MGST1: variants seen among roughly 807,000 people sequenced by gnomAD.
MGST1 encodes the protein glutathione S-transferase 12.
A neutral mutation model predicts 8.9 loss-of-function variants in MGST1; 5 were observed. The ratio of observed to expected loss-of-function variants is 0.56; its 90% CI spans 0.29 to 1.19. MGST1 has a LOEUF of 1.19. Ranked by LOEUF, MGST1 falls within the 50% of genes most tolerant of loss-of-function variation. The pLI, the probability that MGST1 is intolerant of heterozygous loss-of-function variation, is 0.08. For missense variants in MGST1, 182 were observed against 187.4 expected, an observed-to-expected ratio of 0.97 and a Z score of 0.17; for synonymous variants, 54 against 67.8, an observed-to-expected ratio of 0.80 and a Z score of 1.00.
intron 4 of MGST1, among the ~76,000 whole-genome samples, chr12:16,528,675 G>T (rs2137197843): frequency 6.6e-6 from 1 of 152,124 alleles, no homozygotes; most frequent in South Asian, 2.1e-4. Flanking sequence ...ATACAGTTTA[G>T]TGCTAGCACT....
chr12:16,445,793 G>C (rs1456517490), intron 4 of MGST1, among the ~76,000 whole-genome samples: 1 of 151,834 alleles, frequency 6.6e-6, no homozygotes, highest in Non-Finnish European at 1.5e-5. Context: ...TCTAGTTTGG[G>C]CAAGGACTAC....
At position 16,513,853 on chromosome 12, in the gene MGST1, C is replaced by T; in HGVS notation, n.483-75675C>T. On this transcript the variant is annotated intron_variant and non_coding_transcript_variant, in intron 4 of 4. Transcript: ENST00000538857. This position sits in a 1 kb window ranked among gnomAD's most constrained non-coding sequence, Gnocchi z 4.2. ...TAAGTTCAGCCAAGATGTCTTTCTG[C>T]CCAAACCAACCTGGGGAAGTCGCAC... is the stretch of plus-strand genomic sequence containing the variant. 1 of 609,892 alleles carries T rather than the reference C, an allele frequency of 1.6e-6. No individual in the cohort carries two copies. The highest frequency in any genetic ancestry group is 3.2e-6 in the Non-Finnish European group (1 of 315,260). The allele number at this position is 609,892 out of a possible 1,614,324, so 37.8% of individuals were successfully genotyped here.
At chr12:16,405,747 G>A (rs550953481) in intron 1 of MGST1, among the ~76,000 whole-genome samples, 1 of 152,262 alleles carries the variant, frequency 6.6e-6, no homozygotes, top group African/African-American at 2.4e-5. Context: ...GAGATGCAAG[G>A]TTGGTCCAAC....
rs1943182607 is a variant in MGST1, at chr12:16,582,220, G to C, written n.483-7308G>C. Among the ~76,000 whole-genome samples, 2 of 152,032 alleles carry C rather than the reference G, an allele frequency of 1.3e-5. No individual in the cohort carries two copies. The highest frequency in any genetic ancestry group is 1.3e-4 in the Admixed American group (2 of 15,252). On this transcript the variant is annotated intron_variant and non_coding_transcript_variant, in intron 4 of 4. Transcript: ENST00000538857. This position sits in a 1 kb window ranked among gnomAD's most constrained non-coding sequence, Gnocchi z 4.1. The stretch of plus-strand genomic sequence containing the variant: ...GCTGAATTTTATCAATTGCCTTTTT[G>C]GTACAGACTGCCATAACTATGGTGT...
rs1941860020 is a variant in MGST1, at chr12:16,548,212, A to C, written n.483-41316A>C. 6.6e-6 allele frequency among the ~76,000 whole-genome samples: 1 copy of C among 152,180 alleles called. No individual in the cohort carries two copies. The highest frequency in any genetic ancestry group is 1.5e-5 in the Non-Finnish European group (1 of 68,026). On this transcript the variant is annotated intron_variant and non_coding_transcript_variant, in intron 4 of 4. Transcript: ENST00000538857. This position sits in a 1 kb window ranked among gnomAD's most constrained non-coding sequence, Gnocchi z 4.2. ...GTAAACGACCTAGCGCAGAGATCCT[A>C]AACATTACATTCAGAGAAACATTTG...
chr12:16,385,840 C>T lies in MGST1; in HGVS notation n.778+2236C>T, dbSNP rs148430133. ...TTTGGAGGGCTGCTTTTAATACATA[C>T]AGTTTCTTTTGGAGTTTTGCGTCTT... On this transcript the variant is annotated intron_variant and non_coding_transcript_variant, in intron 1 of 1. Coordinates refer to the MGST1 transcript ENST00000359720. 4.1e-4 allele frequency among the ~76,000 whole-genome samples: 63 copies of T among 152,182 alleles called. No individual in the cohort carries two copies. The East Asian group carries it at 0.012, about 28-fold the overall frequency.
chr12:16,522,837 G>T (rs1941656717), intron 4 of MGST1, among the ~76,000 whole-genome samples: 2 of 152,098 alleles, frequency 1.3e-5, no homozygotes, highest in African/African-American at 4.8e-5. Context: ...GAGAAACTTG[G>T]CCTTAGGTAA....
intron 1 of MGST1, among the ~76,000 whole-genome samples, chr12:16,427,531 G>C (rs1233137385): frequency 6.6e-6 from 1 of 152,036 alleles, no homozygotes; most frequent in African/African-American, 2.4e-5. Flanking sequence ...TACAGGGTGT[G>C]CTACCATGCC....
At chr12:16,583,141 G>A (rs1232296683) in intron 4 of MGST1, among the ~76,000 whole-genome samples, 6 of 151,560 alleles carry the variant, frequency 4.0e-5, no homozygotes, top group Non-Finnish European at 8.8e-5. Context: ...ACTATTAAAA[G>A]AGAAGAGAGA....
Position 16,456,356 on chromosome 12 carries a change from A to G in MGST1, n.482+72752A>G, listed in dbSNP as rs536401693. Among the ~76,000 whole-genome samples the G allele has an allele frequency of 4.3e-4, 65 of 152,030 alleles. No homozygotes were observed. In the South Asian group the frequency reaches 0.013, roughly 32 times the overall value. ...ACCATCATTTATAATATTAATCATT[A>G]GTTGTCAGAAGCTGAATAAAAAAAT... On this transcript the variant is annotated intron_variant and non_coding_transcript_variant, in intron 4 of 4. Coordinates refer to the MGST1 transcript ENST00000538857.
Position 16,363,274 on chromosome 12 carries a change from A to T in MGST1, c.222-521A>T, listed in dbSNP as rs1940079691. ...TCTGTTATTTAGATATAAGAGCATGAGAGTCTTGATATTAAATTGGTAAAT... is the reference window on the plus strand; with the variant it reads ...TCTGTTATTTAGATATAAGAGCATGTGAGTCTTGATATTAAATTGGTAAAT... On this transcript the variant is annotated intron_variant, in intron 3 of 3. Coordinates refer to ENST00000396210, the MANE Select transcript of MGST1 (RefSeq NM_020300.5). The surrounding 1 kb of genome is among the most constrained non-coding windows in gnomAD (Gnocchi z 4.6). 6.6e-6 allele frequency: 1 copy of T among 152,224 alleles called. No homozygotes were observed. The highest frequency in any genetic ancestry group is 2.1e-4 in the South Asian group (1 of 4,830). The allele number at this position is 152,224 out of a possible 1,614,324, so 9.4% of individuals were successfully genotyped here.
Position 16,363,789 on chromosome 12 carries a change from C to T in MGST1, c.222-6C>T, listed in dbSNP as rs1346127192. 3 of 1,583,896 alleles carry T rather than the reference C, an allele frequency of 1.9e-6. No individual in the cohort carries two copies. Among genetic ancestry groups the T allele is most frequent in the South Asian group, 2.3e-5 (2 of 88,278 alleles). ...TAGTGTCTTTAATAGTTATCTTTTT[C>T]CACAGAGCCCACCTGAATGACCTTG... On this transcript the variant is annotated splice_polypyrimidine_tract_variant and splice_region_variant and intron_variant, in intron 3 of 3. Coordinates refer to ENST00000396210, the MANE Select transcript of MGST1 (RefSeq NM_020300.5). This position sits in a 1 kb window ranked among gnomAD's most constrained non-coding sequence, Gnocchi z 4.6.
rs1565488437 is a variant in MGST1 at position 16,566,039 on chromosome 12, T to TATATAA, written n.483-23488_483-23487insTATAAA. On this transcript the variant is annotated intron_variant and non_coding_transcript_variant, in intron 4 of 4. Coordinates refer to the MGST1 transcript ENST00000538857. The stretch of plus-strand genomic sequence containing the variant: ...ATATATATATATATATATATATATA[T>TATATAA]AAAATGGAGTACTATTCAGCCATAA... Among the ~76,000 whole-genome samples, 15 of 86,506 alleles carry TATATAA rather than the reference T, an allele frequency of 1.7e-4. 1 individual carries two copies. The highest frequency in any genetic ancestry group is 3.2e-4 in the Non-Finnish European group (14 of 44,266). 56.8% of individuals were successfully genotyped at this position (86,506 alleles called of 152,430 possible).
intron 1 of MGST1, among the ~76,000 whole-genome samples, chr12:16,411,902 T>G (rs998457197): frequency 2.0e-5 from 3 of 152,094 alleles, no homozygotes; most frequent in Non-Finnish European, 4.4e-5. Flanking sequence ...TTAGATAAGT[T>G]CTCTACACCC....
At chr12:16,406,562 G>A (rs181654815) in intron 1 of MGST1, among the ~76,000 whole-genome samples, 51 of 152,184 alleles carry the variant, frequency 3.4e-4, no homozygotes, top group African/African-American at 1.1e-3. Flanking sequence ...TAGAAAAAAC[G>A]GTTTTAAAGT....
At chr12:16,512,986 C>T (rs1271445188) in intron 4 of MGST1, among the ~76,000 whole-genome samples, 1 of 152,152 alleles carries the variant, frequency 6.6e-6, no homozygotes, top group African/African-American at 2.4e-5. Flanking sequence ...TATCCCCAAC[C>T]GTCTCTAGGG....
chr12:16,474,455 A>G (rs1941307763), intron 4 of MGST1, among the ~76,000 whole-genome samples: 1 of 152,216 alleles, frequency 6.6e-6, no homozygotes. Context: ...AATTTTGCCA[A>G]GACTCTTGGA....
At chr12:16,590,950 AC>A (rs1387803740), downstream of MGST1, among the ~76,000 whole-genome samples, 1 of 152,100 alleles carries the variant, frequency 6.6e-6, no homozygotes, top group African/African-American at 2.4e-5. Context: ...ATCCAAAAAA[AC>A]TTCCAGTAAA....
intron 4 of MGST1, chr12:16,550,518 G>A (rs1385143633): frequency 6.6e-6 from 1 of 152,170 alleles, no homozygotes; most frequent in African/African-American, 2.4e-5. Flanking sequence ...TTTTCACGTT[G>A]GTATAAAATG....
Sources: allele counts gnomAD v4.1 joint callset (sites outside exome capture counted in the v4.1 genomes callset), GRCh38; gene constraint gnomAD v4.1.1; non-coding constraint Gnocchi (gnomAD v3.1); transcripts MANE v1.5; gene names NCBI Gene and HGNC (gene_info 2026-07-23, HGNC 2026-07-21).